Variants in BDH1 observed in about 807,000 individuals in gnomAD.
BDH1 encodes the protein D-beta-hydroxybutyrate dehydrogenase, mitochondrial.
BDH1 carries 30 observed loss-of-function variants against 33.1 expected under a neutral mutation model. That is an observed-to-expected ratio of 0.91 (90% confidence interval 0.68 to 1.23). The LOEUF (loss-of-function observed/expected upper bound fraction) is 1.23, where lower values mean the gene tolerates loss of function less well. BDH1 is among the 50% of genes most tolerant of loss of function. The pLI is 0.00. For synonymous variants in BDH1, 190 were observed against 183.6 expected (o/e 1.03, Z -0.28); for missense variants, 443 against 464.4 (o/e 0.95, Z 0.42).
chr3:197,548,724 G>A (rs947125089), intron 2 of BDH1, among the ~76,000 whole-genome samples: 3 of 152,056 alleles, frequency 2.0e-5, no homozygotes, highest in Non-Finnish European at 4.4e-5. Flanking sequence ...GGTGGCGGGC[G>A]CCCACAGTCC....
chr3:197,528,728 A>T lies in BDH1; in HGVS notation c.267+3684T>A. On this transcript the variant is annotated intron_variant, in intron 5 of 7. Coordinates refer to ENST00000392379, the MANE Select transcript of BDH1 (RefSeq NM_203314.3). The surrounding 1 kb of genome is among the most constrained non-coding windows in gnomAD (Gnocchi z 5.1). The stretch of plus-strand genomic sequence containing the variant: ...CAAAATACCAGTCAACCAATTCTAG[A>T]ATCACTGTTGCAGGAGTGGAAGGAT... 6.6e-6 allele frequency: 1 copy of T among 152,236 alleles called. No homozygotes were observed. The highest frequency in any genetic ancestry group is 1.9e-4 in the East Asian group (1 of 5,192). The allele number at this position is 152,236 out of a possible 1,614,324, so 9.4% of individuals were successfully genotyped here.
intron 6 of BDH1, among the ~76,000 whole-genome samples, chr3:197,515,051 C>T (rs1712549797): frequency 3.3e-5 from 5 of 152,238 alleles, no homozygotes; most frequent in Admixed American, 3.3e-4. Flanking sequence ...AAGGCACAGC[C>T]TCAGAGCAGA....
chr3:197,516,753 A>G lies in BDH1; in HGVS notation c.410-2337T>C, dbSNP rs1428610234. 6.6e-6 allele frequency among the ~76,000 whole-genome samples: 1 copy of G among 151,894 alleles called. No homozygotes were observed. The highest frequency in any genetic ancestry group is 1.5e-5 in the Non-Finnish European group (1 of 67,962). ...TTTTACTTTTGTCTGTGACTCCTCC[A>G]GCTCCTCCACCCCTCCCCCACCTAC... On this transcript the variant is annotated intron_variant, in intron 6 of 7. Coordinates refer to ENST00000392379, the MANE Select transcript of BDH1 (RefSeq NM_203314.3). This position sits in a 1 kb window ranked among gnomAD's most constrained non-coding sequence, Gnocchi z 4.2.
At chr3:197,551,564 T>C (rs1046286878) in intron 2 of BDH1, among the ~76,000 whole-genome samples, 1 of 152,160 alleles carries the variant, frequency 6.6e-6, no homozygotes, top group Non-Finnish European at 1.5e-5. Flanking sequence ...AATATACTGA[T>C]TTCCTTCCTT....
chr3:197,522,538 G>T lies in BDH1; in HGVS notation c.409+102C>A. Reference sequence around the variant, plus strand: ...AGGAAGAGCCTAAACAATAAGGAAGGGAGTGTGGTGGCAGGATGCCAGCCA... The same window carrying T: ...AGGAAGAGCCTAAACAATAAGGAAGTGAGTGTGGTGGCAGGATGCCAGCCA... On this transcript the variant is annotated intron_variant, in intron 6 of 7. Transcript: ENST00000392379. This position sits in a 1 kb window ranked among gnomAD's most constrained non-coding sequence, Gnocchi z 4.8. 1 of 1,456,934 alleles carries T rather than the reference G, an allele frequency of 6.9e-7. No individual in the cohort carries two copies. The highest frequency in any genetic ancestry group is 9.4e-7 in the Non-Finnish European group (1 of 1,058,474). 90.3% of individuals were successfully genotyped at this position (1,456,934 alleles called of 1,614,324 possible).
Position 197,522,504 on chromosome 3 carries a change from C to T in BDH1, c.409+136G>A. Reference sequence around the variant, plus strand: ...GTTTAGTGTAATCCTCTTCCTCCTACTGTGCAGGAGGAAGAGCCTAAACAA... The same window carrying T: ...GTTTAGTGTAATCCTCTTCCTCCTATTGTGCAGGAGGAAGAGCCTAAACAA... On this transcript the variant is annotated intron_variant, in intron 6 of 7. Coordinates refer to ENST00000392379, the MANE Select transcript of BDH1 (RefSeq NM_203314.3). This position sits in a 1 kb window ranked among gnomAD's most constrained non-coding sequence, Gnocchi z 4.8. The T allele has an allele frequency of 9.1e-7, 1 of 1,101,636 alleles. No individual in the cohort carries two copies. Among genetic ancestry groups the T allele is most frequent in the East Asian group, 2.4e-5 (1 of 41,016 alleles). 68.2% of individuals were successfully genotyped at this position (1,101,636 alleles called of 1,614,324 possible).
rs1246395368 is a variant in BDH1, at chr3:197,510,937, A to T, written c.*958T>A. On this transcript the variant is annotated 3_prime_UTR_variant, in exon 8 of 8. Coordinates refer to ENST00000392379, the MANE Select transcript of BDH1 (RefSeq NM_203314.3). Reference sequence around the variant, plus strand: ...AGTCTATCCTGAGTCCTAAAAGAGGATGGAAAAATCTCAAGTAAAAATCTC... The same window carrying T: ...AGTCTATCCTGAGTCCTAAAAGAGGTTGGAAAAATCTCAAGTAAAAATCTC... The T allele has an allele frequency of 6.6e-6, 1 of 152,116 alleles. No individual in the cohort carries two copies. The highest frequency in any genetic ancestry group is 2.4e-5 in the African/African-American group (1 of 41,374). 9.4% of individuals were successfully genotyped at this position (152,116 alleles called of 1,614,324 possible). A position where few individuals can be genotyped will look rare whatever the true frequency, so the allele number is the denominator to read the frequency against.
At chr3:197,555,241 A>G (rs1017230650) in intron 1 of BDH1, 3 of 154,834 alleles carry the variant, frequency 1.9e-5, no homozygotes, top group African/African-American at 4.8e-5. Context: ...AGCCTTGCGG[A>G]GGACCCCGGA....
At chr3:197,536,509 G>T (rs1367514553) in intron 3 of BDH1, among the ~76,000 whole-genome samples, 2 of 152,140 alleles carry the variant, frequency 1.3e-5, no homozygotes, top group Non-Finnish European at 2.9e-5. Context: ...ATAGATCTTT[G>T]ATTTCTTTCA....
At chr3:197,566,603 TAATTAGGCC>T (rs1717442528) in intron 1 of BDH1, among the ~76,000 whole-genome samples, 2 of 152,338 alleles carry the variant, frequency 1.3e-5, no homozygotes, top group African/African-American at 4.8e-5. Flanking sequence ...TGTATACAAA[TAATTAGGCC>T]AAGTATAGTA....
intron 5 of BDH1, among the ~76,000 whole-genome samples, chr3:197,531,763 G>C (rs1488841616): frequency 6.6e-6 from 1 of 152,072 alleles, no homozygotes; most frequent in Admixed American, 6.6e-5. Context: ...TGTGGTGGTG[G>C]GCGCACAACT....
Position 197,523,188 on chromosome 3 carries a change from C to A in BDH1, c.268-407G>T. ...TAAGCTAGTAATTGGGAAATCTCTT[C>A]ATTCTTTTAAGTGTTGGCAACTTAC... On this transcript the variant is annotated intron_variant, in intron 5 of 7. Coordinates refer to ENST00000392379, the MANE Select transcript of BDH1 (RefSeq NM_203314.3). The surrounding 1 kb of genome is among the most constrained non-coding windows in gnomAD (Gnocchi z 4.5). 5.6e-6 allele frequency: 1 copy of A among 180,144 alleles called. No individual in the cohort carries two copies. The highest frequency in any genetic ancestry group is 1.1e-5 in the Non-Finnish European group (1 of 87,340). 11.2% of individuals were successfully genotyped at this position (180,144 alleles called of 1,614,324 possible).
intron 2 of BDH1, among the ~76,000 whole-genome samples, chr3:197,548,061 CGAGCCTGACGCAAAG>C (rs1309578568): frequency 6.6e-6 from 1 of 152,200 alleles, no homozygotes; most frequent in Non-Finnish European, 1.5e-5. Flanking sequence ...GTGCCTAGAA[CGAGCCTGACGCAAAG>C]GAGGCACTCT....
At chr3:197,519,987 C>G (rs957908564) in intron 6 of BDH1, among the ~76,000 whole-genome samples, 3 of 152,132 alleles carry the variant, frequency 2.0e-5, no homozygotes, top group Admixed American at 6.5e-5. Flanking sequence ...TGTGCCCCCC[C>G]GGTGGAGAAG....
chr3:197,512,396 C>G, intron 7 of BDH1, 32 bp from the exon 8 acceptor site: 3 of 1,569,802 alleles, frequency 1.9e-6, no homozygotes, highest in Non-Finnish European at 2.6e-6. Flanking sequence ...CCTGCTAAGC[C>G]GTTACTGCCC....
intron 1 of BDH1, among the ~76,000 whole-genome samples, chr3:197,567,982 T>G (rs1463657733): frequency 6.6e-6 from 1 of 152,298 alleles, no homozygotes; most frequent in East Asian, 1.9e-4. Context: ...GCCTGCTAGC[T>G]CACACTCTCC....
chr3:197,540,774 T>C (rs1257785331), intron 3 of BDH1, among the ~76,000 whole-genome samples: 1 of 152,198 alleles, frequency 6.6e-6, no homozygotes, highest in Non-Finnish European at 1.5e-5. Flanking sequence ...TTGTCAAATA[T>C]ATTCAGACCT....
intron 4 of BDH1, 82 bp downstream of exon 4, chr3:197,533,407 G>T: frequency 7.0e-7 from 1 of 1,424,134 alleles, no homozygotes; most frequent in Non-Finnish European, 9.9e-7. Context: ...GCCCCACTCT[G>T]AGGGTAGCTC....
At chr3:197,543,196 T>A (rs903391875) in intron 3 of BDH1, 12 of 985,024 alleles carry the variant, frequency 1.2e-5, no homozygotes, top group Non-Finnish European at 1.4e-5. Context: ...GGAACACATA[T>A]CAGTGGCACA....
Sources: allele counts gnomAD v4.1 joint callset (sites outside exome capture counted in the v4.1 genomes callset), GRCh38; gene constraint gnomAD v4.1.1; non-coding constraint Gnocchi (gnomAD v3.1); transcripts MANE v1.5; gene names NCBI Gene and HGNC (gene_info 2026-07-23, HGNC 2026-07-21).